Variants in FSTL4 observed in about 807,000 individuals in gnomAD.
FSTL4 encodes the protein follistatin like 4, also known as follistatin-related protein 4.
A neutral mutation model predicts 78.2 loss-of-function variants in FSTL4; 28 were observed. The observed-to-expected ratio is 0.36, with a 90% CI of 0.27 to 0.49. The LOEUF (loss-of-function observed/expected upper bound fraction) is 0.49. Ranked by LOEUF, FSTL4 falls within the 20% of genes least tolerant of loss-of-function variation. The probability of loss-of-function intolerance (pLI) is 0.98; values close to 1 mark genes in which losing one functional copy is unlikely to be tolerated. For synonymous variants in FSTL4, 422 were observed against 440.5 expected, an observed-to-expected ratio of 0.96 and a Z score of 0.53; for missense variants, 922 against 1,084.9, an observed-to-expected ratio of 0.85 and a Z score of 2.11.
intron 3 of FSTL4, among the ~76,000 whole-genome samples, chr5:133,561,699 G>A (rs1181384421): frequency 6.6e-6 from 1 of 152,144 alleles, no homozygotes; most frequent in Non-Finnish European, 1.5e-5. Context: ...CACAAGTTGG[G>A]TTTCTACAAC....
intron 3 of FSTL4, among the ~76,000 whole-genome samples, chr5:133,553,050 C>T (rs1170365861): frequency 6.6e-6 from 1 of 152,176 alleles, no homozygotes; most frequent in East Asian, 1.9e-4. Context: ...ACTGCAGCGG[C>T]TACTTAGTCT....
At chr5:133,251,596 G>A (rs542749077) in intron 6 of FSTL4, among the ~76,000 whole-genome samples, 5 of 152,066 alleles carry the variant, frequency 3.3e-5, no homozygotes, top group African/African-American at 1.2e-4. Flanking sequence ...CTAATTCCCT[G>A]CTATCTAAAC....
In FSTL4 at chr5:133,286,039, C is replaced by G. The variant is rs1225737374; in HGVS notation, c.727+26615G>C. Among the ~76,000 whole-genome samples the G allele has an allele frequency of 2.6e-5, 4 of 152,328 alleles. No individual in the cohort carries two copies. In the South Asian group the frequency reaches 8.3e-4, roughly 32 times the overall value. ...CTGAGCACAGCAGAATCTGACCTGC[C>G]CTGTGTCCATGGCACTTGCAACCTA... is the stretch of plus-strand genomic sequence containing the variant. On this transcript the variant is annotated intron_variant, in intron 6 of 15. Transcript: ENST00000265342.
At chr5:133,589,053 G>A (rs1354603283) in intron 2 of FSTL4, among the ~76,000 whole-genome samples, 2 of 26,796 alleles carry the variant, frequency 7.5e-5, no homozygotes, top group Non-Finnish European at 1.6e-4. Context: ...ACCAAACACC[G>A]CATATTCTCA....
Position 133,224,217 on chromosome 5 carries a change from C to T in FSTL4, c.1313-1G>A, listed in dbSNP as rs1424164355. ...TCCTCTCGCCACAGGATGTTTGCAA[C>T]TGCAGCAGCAGAGAATGAGGAAAGC... On this transcript the variant is annotated splice_acceptor_variant, in intron 10 of 15. Transcript: ENST00000265342. LOFTEE classifies it high-confidence loss of function. The T allele has an allele frequency of 6.2e-7, 1 of 1,612,244 alleles. No homozygotes were observed. Among genetic ancestry groups the T allele is most frequent in the Non-Finnish European group, 8.5e-7 (1 of 1,178,424 alleles).
intron 4 of FSTL4, among the ~76,000 whole-genome samples, chr5:133,345,674 A>C (rs1408045318): frequency 6.6e-6 from 1 of 152,242 alleles, no homozygotes; most frequent in Non-Finnish European, 1.5e-5. Flanking sequence ...ACAGAAATGC[A>C]AATCAAAACC....
At chr5:133,750,596 G>T in the FSTL4 span, among the ~76,000 whole-genome samples, 1 of 152,096 alleles carries the variant, frequency 6.6e-6, no homozygotes, top group Non-Finnish European at 1.5e-5. Flanking sequence ...AGAGAGGAGC[G>T]CGAGGGAAAA....
intron 3 of FSTL4, among the ~76,000 whole-genome samples, chr5:133,411,112 C>T (rs1756469394): frequency 6.6e-6 from 1 of 152,132 alleles, no homozygotes; most frequent in Non-Finnish European, 1.5e-5. Flanking sequence ...CTATGAGAAG[C>T]TCACAGGGTC....
At chr5:133,261,621 C>T (rs540173821) in intron 6 of FSTL4, among the ~76,000 whole-genome samples, 30 of 152,246 alleles carry the variant, frequency 2.0e-4, no homozygotes, top group African/African-American at 6.5e-4. Context: ...CTTTGGGAGG[C>T]TGAGGTGGGT....
chr5:133,788,372 A>G, the FSTL4 span, among the ~76,000 whole-genome samples: 2 of 152,350 alleles, frequency 1.3e-5, no homozygotes, highest in Admixed American at 6.5e-5. Context: ...TGCTAGGATG[A>G]CGGGACCACT....
At chr5:133,711,552 C>T in the FSTL4 span, among the ~76,000 whole-genome samples, 6 of 152,216 alleles carry the variant, frequency 3.9e-5, no homozygotes, top group African/African-American at 7.2e-5. Flanking sequence ...TATGTAGGAG[C>T]ACACAGTGCT....
At chr5:133,319,381 C>G (rs895078034) in intron 4 of FSTL4, among the ~76,000 whole-genome samples, 2 of 152,246 alleles carry the variant, frequency 1.3e-5, no homozygotes, top group Non-Finnish European at 2.9e-5. Flanking sequence ...GTGCCCGATG[C>G]TGGGCAGCCT....
chr5:133,266,788 A>T (rs1034811974), intron 6 of FSTL4, among the ~76,000 whole-genome samples: 3 of 152,196 alleles, frequency 2.0e-5, no homozygotes, highest in African/African-American at 7.2e-5. Context: ...CCTGCAGCAG[A>T]CAAAGCAGCC....
intron 3 of FSTL4, among the ~76,000 whole-genome samples, chr5:133,553,949 G>A (rs1267054053): frequency 6.6e-6 from 1 of 152,172 alleles, no homozygotes; most frequent in Non-Finnish European, 1.5e-5. Context: ...TGAGAACTAA[G>A]AGCACTGGCT....
At chr5:133,617,344 G>A (rs890684190), upstream of FSTL4, among the ~76,000 whole-genome samples, 1 of 145,664 alleles carries the variant, frequency 6.9e-6, no homozygotes, top group African/African-American at 2.5e-5. Flanking sequence ...GGCACCAAAT[G>A]ATAGCGAGAA....
intron 6 of FSTL4, among the ~76,000 whole-genome samples, chr5:133,297,103 A>G (rs1436238059): frequency 6.6e-6 from 1 of 152,352 alleles, no homozygotes; most frequent in African/African-American, 2.4e-5. Context: ...AGCTCTCTAC[A>G]GGAGAAAAAA....
intron 4 of FSTL4, among the ~76,000 whole-genome samples, chr5:133,340,760 T>C (rs1754562246): frequency 6.6e-6 from 1 of 151,984 alleles, no homozygotes; most frequent in South Asian, 2.1e-4. Flanking sequence ...TGTCCTCATA[T>C]CACAGACCAA....
At chr5:133,672,325 ACTTG>A in the FSTL4 span, among the ~76,000 whole-genome samples, 1 of 152,318 alleles carries the variant, frequency 6.6e-6, no homozygotes, top group East Asian at 1.9e-4. Flanking sequence ...TCTCAGTGTG[ACTTG>A]GAGCACAGCC....
chr5:133,554,731 T>G (rs547161225), intron 3 of FSTL4, among the ~76,000 whole-genome samples: 24 of 152,352 alleles, frequency 1.6e-4, no homozygotes, highest in African/African-American at 5.5e-4. Flanking sequence ...CATTCATTCA[T>G]TCATTCAAAG....
Sources: allele counts gnomAD v4.1 joint callset (sites outside exome capture counted in the v4.1 genomes callset), GRCh38; gene constraint gnomAD v4.1.1; transcripts MANE v1.5; gene names NCBI Gene and HGNC (gene_info 2026-07-23, HGNC 2026-07-21).